The following CDC42BPG variants were observed in gnomAD, a reference collection of about 807,000 sequenced individuals.
CDC42BPG encodes the protein serine/threonine-protein kinase MRCK gamma.
A neutral mutation model predicts 192.2 loss-of-function variants in CDC42BPG; 157 were observed. The observed-to-expected ratio is 0.82, with a 90% CI of 0.72 to 0.93. The LOEUF is 0.93. Among genes scored for constraint, CDC42BPG ranks in the 40% least tolerant of loss-of-function variants. The probability of loss-of-function intolerance (pLI) is 0.00; values close to 1 mark genes in which losing one functional copy is unlikely to be tolerated. For missense variants in CDC42BPG, 1,992 were observed against 2,122.1 expected, an observed-to-expected ratio of 0.94 and a Z score of 1.20; for synonymous variants, 981 against 918.5, an observed-to-expected ratio of 1.07 and a Z score of -1.23.
rs758477367 is a variant in CDC42BPG, at chr11:64,829,908, C to T, written c.3530G>A (p.Arg1177Gln). 9 of 1,610,064 alleles carry T rather than the reference C, an allele frequency of 5.6e-6. No homozygotes were observed. Among genetic ancestry groups the T allele is most frequent in the East Asian group, 2.2e-5 (1 of 44,848 alleles). Residue 1177 changes from arginine (R) to glutamine (Q), a missense_variant, in exon 30 of 37, where the codon CGA becomes CAA. This residue lies in a region of CDC42BPG where 1,656 missense variants were observed against 1,844.3 expected (regional missense o/e 0.90). Transcript: ENST00000342711. ...EVAGAKIPES[R>Q]GCQVLAAGSI... ...TCCAGCTGCCAGCACCTGGCAGCCT[C>T]GAGACTCGGGGATCTTGGCACCTGC...
chr11:64,839,867 G>A (rs1219467872), intron 5 of CDC42BPG, among the ~76,000 whole-genome samples: 2 of 152,180 alleles, frequency 1.3e-5, no homozygotes, highest in African/African-American at 4.8e-5. Context: ...CTTGCCACCC[G>A]AGAGCCGAGT....
In CDC42BPG at chr11:64,839,416, A is replaced by G. The variant is rs1036967562; in HGVS notation, c.675+62T>C. On this transcript the variant is annotated intron_variant, in intron 6 of 36. Coordinates refer to ENST00000342711, the MANE Select transcript of CDC42BPG (RefSeq NM_017525.3). ...CTCTGCACTAGGCCTGGGGCCTCCC[A>G]TTTTCCTGAGAGCTTGGCCCGCCTT... is the stretch of plus-strand genomic sequence containing the variant. The G allele has an allele frequency of 1.4e-5, 22 of 1,554,338 alleles. No individual in the cohort carries two copies. The African/African-American group carries it at 3.0e-4, about 22-fold the overall frequency.
chr11:64,832,352 T>C, intron 27 of CDC42BPG, 76 bp downstream of exon 27: 1 of 1,450,696 alleles, frequency 6.9e-7, no homozygotes, highest in Non-Finnish European at 9.5e-7. Flanking sequence ...CAGTATGAAG[T>C]GGGGGGACAG....
In CDC42BPG at chr11:64,827,270, ACGC is replaced by A. The variant is rs1183822222; in HGVS notation, c.4271+5_4271+7del. 6.2e-7 allele frequency: 1 copy of A among 1,613,506 alleles called. No homozygotes were observed. The highest frequency in any genetic ancestry group is 8.5e-7 in the Non-Finnish European group (1 of 1,179,776). ...CCCAGCCTCAGCCCCCGCGTCGTGC[ACGC>A]GCACCTGCGCTGCTGCTTCTGCTGC... On this transcript the variant is annotated splice_donor_5th_base_variant and intron_variant, in intron 33 of 36. Coordinates refer to ENST00000342711, the MANE Select transcript of CDC42BPG (RefSeq NM_017525.3).
At chr11:64,826,632 TG>T (rs753990804) in intron 35 of CDC42BPG, 38 bp downstream of exon 35, 15 of 1,487,102 alleles carry the variant, frequency 1.0e-5, no homozygotes, top group Middle Eastern at 1.8e-4. Flanking sequence ...AAACTTGGGG[TG>T]GGGGGTGGCA....
chr11:64,840,078 AG>A lies in CDC42BPG; in HGVS notation c.581+41del, dbSNP rs755377663. On this transcript the variant is annotated intron_variant, in intron 5 of 36. Transcript: ENST00000342711. ...CCAGCACAGCTGGCAGGGGTTGGGC[AG>A]GGCAGCGGGGTTGGGCAGGGCAGCG... 2.7e-5 allele frequency: 42 copies of A among 1,579,324 alleles called. No individual in the cohort carries two copies. The African/African-American group carries it at 5.4e-4, about 20-fold the overall frequency.
rs771276713 is a variant in CDC42BPG at position 64,841,941 on chromosome 11, G to A, written c.161-37C>T. ...CAGGGCGGGACTCAGAGTGCAGGGA[G>A]GGAGGGCTCCATTCCCCCTCTCACC... On this transcript the variant is annotated intron_variant, in intron 1 of 36. Transcript: ENST00000342711. The A allele has an allele frequency of 7.3e-6, 11 of 1,502,662 alleles. No individual in the cohort carries two copies. In the Admixed American group the frequency reaches 1.5e-4, roughly 21 times the overall value. 93.1% of individuals were successfully genotyped at this position (1,502,662 alleles called of 1,614,324 possible). A position where few individuals can be genotyped will look rare whatever the true frequency, so the allele number is the denominator to read the frequency against.
At chr11:64,830,324 A>G in intron 28 of CDC42BPG, 68 bp from the exon 29 acceptor site, 1 of 1,285,998 alleles carries the variant, frequency 7.8e-7, no homozygotes, top group Non-Finnish European at 1.1e-6. Flanking sequence ...TGGGCAGTCC[A>G]CCTGCCCTGC....
chr11:64,844,594 C>T lies in CDC42BPG; in HGVS notation c.-25G>A. The T allele has an allele frequency of 8.0e-7, 1 of 1,247,938 alleles. No homozygotes were observed. The highest frequency in any genetic ancestry group is 1.0e-6 in the Non-Finnish European group (1 of 996,130). The allele number at this position is 1,247,938 out of a possible 1,614,324, so 77.3% of individuals were successfully genotyped here. ...TGGCTGCGGCCGGAGCCTCGCTGCTCGGCTACAGTCTGGCCGCCCGCATGC... is the reference window on the plus strand; with the variant it reads ...TGGCTGCGGCCGGAGCCTCGCTGCTTGGCTACAGTCTGGCCGCCCGCATGC... On this transcript the variant is annotated 5_prime_UTR_variant, in exon 1 of 37. Transcript: ENST00000342711.
At chr11:64,835,301 T>C in intron 16 of CDC42BPG, 46 bp downstream of exon 16, 1 of 1,612,612 alleles carries the variant, frequency 6.2e-7, no homozygotes, top group Non-Finnish European at 8.5e-7. Flanking sequence ...GGCTCCCCAT[T>C]GCCTTGTCCG....
At chr11:64,838,210 G>C (rs201660645) in intron 8 of CDC42BPG, 48 bp from the exon 9 acceptor site, 1 of 1,456,112 alleles carries the variant, frequency 6.9e-7, no homozygotes, top group Non-Finnish European at 9.4e-7. Flanking sequence ...GCCAAGGCCC[G>C]AGGCCCAAGG....
Position 64,833,590 on chromosome 11 carries a change from G to A in CDC42BPG, c.2625+10C>T, listed in dbSNP as rs1235031190. ...GTGCCCCCACCCTGCTTGCCCCTCT[G>A]GGCACTGACCTTAGCAGGAAGACCT... On this transcript the variant is annotated intron_variant, in intron 23 of 36. Coordinates refer to ENST00000342711, the MANE Select transcript of CDC42BPG (RefSeq NM_017525.3). 1.9e-6 allele frequency: 3 copies of A among 1,604,528 alleles called. No individual in the cohort carries two copies. The South Asian group carries it at 3.4e-5, about 18-fold the overall frequency.
In CDC42BPG at chr11:64,834,741, G is replaced by A. The variant is rs1421214391; in HGVS notation, c.2175+108C>T. ...TCAGGGAAATCACTATCTCTCATGA[G>A]CTTGGTGTCCCCACCTCCAGTAGTG... On this transcript the variant is annotated intron_variant, in intron 18 of 36. Coordinates refer to ENST00000342711, the MANE Select transcript of CDC42BPG (RefSeq NM_017525.3). 6 of 1,344,758 alleles carry A rather than the reference G, an allele frequency of 4.5e-6. No homozygotes were observed. In the East Asian group the frequency reaches 9.4e-5, roughly 21 times the overall value. 83.3% of individuals were successfully genotyped at this position (1,344,758 alleles called of 1,614,324 possible). A position where few individuals can be genotyped will look rare whatever the true frequency, so the allele number is the denominator to read the frequency against.
In CDC42BPG at chr11:64,839,102, C is replaced by A; in HGVS notation, c.807G>T (p.Leu269=). The A allele has an allele frequency of 6.2e-7, 1 of 1,613,644 alleles. No individual in the cohort carries two copies. Among genetic ancestry groups the A allele is most frequent in the South Asian group, 1.1e-5 (1 of 91,088 alleles). ...WWSLGVCAYE[L]LFGETPFYAE... is the part of the protein sequence containing the mutation. ...CATAGAAGGGCGTCTCCCCAAAGAGCAGCTCATAGGCGCAGACTCCAAGCG... is the reference window on the plus strand; with the variant it reads ...CATAGAAGGGCGTCTCCCCAAAGAGAAGCTCATAGGCGCAGACTCCAAGCG... Residue 269 remains leucine, a synonymous_variant, in exon 7 of 37, where the codon CTG becomes CTT. Transcript: ENST00000342711.
At chr11:64,844,271 G>A (rs1329769888) in intron 1 of CDC42BPG, 139 bp downstream of exon 1, 3 of 785,382 alleles carry the variant, frequency 3.8e-6, no homozygotes, top group Non-Finnish European at 5.3e-6. Context: ...GGGTCCGGTG[G>A]TACGCGTCAG....
chr11:64,827,596 G>C lies in CDC42BPG; in HGVS notation c.4081C>G (p.Pro1361Ala). ...CCGTAGAGGAACAGGGAGCCCTCTG[G>C]ATTGAGGGGCCGCACCTGAGGCAGC... is the stretch of plus-strand genomic sequence containing the variant. ...VPLKKVRPLN[P>A]EGSLFLYGTE... The change falls in exon 32 of 37, where the codon CCA becomes GCA. Residue 1361 changes from proline (P) to alanine (A), a missense_variant. Coordinates refer to ENST00000342711, the MANE Select transcript of CDC42BPG (RefSeq NM_017525.3). 6.2e-7 allele frequency: 1 copy of C among 1,610,658 alleles called. No individual in the cohort carries two copies. Among genetic ancestry groups the C allele is most frequent in the Non-Finnish European group, 8.5e-7 (1 of 1,177,752 alleles).
chr11:64,825,949 C>T (rs1164128441), intron 36 of CDC42BPG, among the ~76,000 whole-genome samples: 2 of 151,542 alleles, frequency 1.3e-5, no homozygotes, highest in African/African-American at 2.4e-5. Flanking sequence ...GCCTGTAATA[C>T]CAGCGACTTG....
At position 64,826,544 on chromosome 11, in the gene CDC42BPG, G is replaced by C; in HGVS notation, c.4525C>G (p.Pro1509Ala). Residue 1509 changes from proline (P) to alanine (A), a missense_variant, in exon 36 of 37, where the codon CCC (proline) becomes GCC (alanine). Coordinates refer to ENST00000342711, the MANE Select transcript of CDC42BPG (RefSeq NM_017525.3). ...GACTCGCTGGACAGGGATGTCCAGG[G>C]TTTCCTCTTCACTGCTCCAGCAGCA... The part of the protein sequence containing the change: ...GGDADPMKRK[P>A]WTSLSSESVS... 1 of 1,601,748 alleles carries C rather than the reference G, an allele frequency of 6.2e-7. No homozygotes were observed. Among genetic ancestry groups the C allele is most frequent in the Non-Finnish European group, 8.5e-7 (1 of 1,174,936 alleles).
rs1323178415 is a variant in CDC42BPG at position 64,831,509 on chromosome 11, G to A, written c.3300C>T (p.Ile1100=). 6.2e-7 allele frequency: 1 copy of A among 1,605,718 alleles called. No homozygotes were observed. The highest frequency in any genetic ancestry group is 1.1e-5 in the South Asian group (1 of 90,766). The change falls in exon 28 of 37, where the codon ATC becomes ATT. Residue 1100 remains isoleucine (I), a synonymous_variant. Coordinates refer to ENST00000342711, the MANE Select transcript of CDC42BPG (RefSeq NM_017525.3). ...CAGTCCCCTCCACCAGCTCACCGAG[G>A]ATGGCAGCGCAGAGCGTGTGAGGCA... is the stretch of plus-strand genomic sequence containing the variant. ...PLLPHTLCAA[I]LDQDRLALGT...
Sources: gnomAD v4.1 joint callset for allele counts (sites outside exome capture counted in the v4.1 genomes callset) on GRCh38, gnomAD v4.1.1 for gene constraint, gnomAD v4.1.1 regional missense constraint, MANE v1.5 for transcripts, NCBI Gene and HGNC (gene_info 2026-07-23, HGNC 2026-07-21) for gene names.